The following RALGPS1 variants were observed in gnomAD, a reference collection of about 807,000 sequenced individuals.
RALGPS1 encodes the protein Ral GEF with PH domain and SH3 binding motif 1.
A neutral mutation model predicts 78.8 loss-of-function variants in RALGPS1; 19 were observed. The observed-to-expected ratio is 0.24, with a 90% CI of 0.17 to 0.35. The LOEUF (loss-of-function observed/expected upper bound fraction) is 0.35. RALGPS1 is among the 10% of genes least tolerant of loss of function. RALGPS1 has a pLI of 1.00. For synonymous variants in RALGPS1, 228 were observed against 256.3 expected (o/e 0.89, Z 1.06); for missense variants, 454 against 688.3 (o/e 0.66, Z 3.81).
intron 9 of RALGPS1, among the ~76,000 whole-genome samples, chr9:127,166,958 T>C (rs2059324053): frequency 1.3e-5 from 2 of 148,272 alleles, no homozygotes; most frequent in South Asian, 4.4e-4. Context: ...AGCCAGGTGC[T>C]CAAGTCTTCT....
intron 8 of RALGPS1, among the ~76,000 whole-genome samples, chr9:127,159,425 C>T (rs2058889701): frequency 6.6e-6 from 1 of 152,158 alleles, no homozygotes; most frequent in Non-Finnish European, 1.5e-5. Context: ...GAGCCACAAC[C>T]CCAAGTCATA....
chr9:126,957,373 G>C (rs1481328214), intron 1 of RALGPS1, among the ~76,000 whole-genome samples: 1 of 141,886 alleles, frequency 7.0e-6, no homozygotes, highest in Admixed American at 7.1e-5. Flanking sequence ...TGAGCTCCAT[G>C]TCTGGGCTCC....
At chr9:127,042,126 TTTGA>T (rs1302492125) in intron 5 of RALGPS1, among the ~76,000 whole-genome samples, 4 of 152,262 alleles carry the variant, frequency 2.6e-5, no homozygotes, top group Non-Finnish European at 4.4e-5. Context: ...TGTTTTATTC[TTTGA>T]TTGTTTTTTT....
intron 1 of RALGPS1, among the ~76,000 whole-genome samples, chr9:126,943,095 A>G (rs990179983): frequency 6.6e-6 from 1 of 152,082 alleles, no homozygotes; most frequent in Non-Finnish European, 1.5e-5. Context: ...TTTATAGTTC[A>G]TTGATGTCAT....
At chr9:127,150,625 G>A (rs1236227347) in intron 8 of RALGPS1, among the ~76,000 whole-genome samples, 1 of 152,234 alleles carries the variant, frequency 6.6e-6, no homozygotes, top group Non-Finnish European at 1.5e-5. Flanking sequence ...GAGTTGGCAT[G>A]AGGCATCCTC....
Position 127,183,482 on chromosome 9 carries a change from C to T in RALGPS1, c.910+8700C>T, listed in dbSNP as rs927509452. 6.6e-6 allele frequency among the ~76,000 whole-genome samples: 1 copy of T among 152,176 alleles called. No individual in the cohort carries two copies. Among genetic ancestry groups the T allele is most frequent in the East Asian group, 1.9e-4 (1 of 5,182 alleles). On this transcript the variant is annotated intron_variant, in intron 11 of 18. Transcript: ENST00000259351. The surrounding 1 kb of genome is among the most constrained non-coding windows in gnomAD (Gnocchi z 4.0). ...TGGGCCACCTCGGTCCACAGGAGGC[C>T]GTACCTGTCCTCATTCTAACAGACC...
chr9:126,971,954 A>G (rs1214609652), intron 3 of RALGPS1, among the ~76,000 whole-genome samples: 1 of 152,270 alleles, frequency 6.6e-6, no homozygotes, highest in Non-Finnish European at 1.5e-5. Context: ...AGGTTAAGTA[A>G]GTTTTTAAAA....
At chr9:127,049,353 G>A (rs533788461) in intron 5 of RALGPS1, among the ~76,000 whole-genome samples, 2 of 152,288 alleles carry the variant, frequency 1.3e-5, no homozygotes, top group South Asian at 4.1e-4. Context: ...CAGGGGTTCA[G>A]GCTGTTGCAG....
chr9:126,965,033 A>G (rs961262192), intron 2 of RALGPS1, among the ~76,000 whole-genome samples: 25 of 152,224 alleles, frequency 1.6e-4, no homozygotes, highest in African/African-American at 5.3e-4. Context: ...ATGAAGTTAA[A>G]TTAAAGAGAA....
intron 11 of RALGPS1, among the ~76,000 whole-genome samples, chr9:127,191,480 C>T (rs186358500): frequency 2.9e-4 from 44 of 152,258 alleles, no homozygotes; most frequent in African/African-American, 9.4e-4. Context: ...CTGGTAATGC[C>T]GCCACCATCA....
chr9:127,204,692 T>G (rs1323854916), intron 14 of RALGPS1, among the ~76,000 whole-genome samples: 1 of 151,768 alleles, frequency 6.6e-6, no homozygotes, highest in Non-Finnish European at 1.5e-5. Context: ...GTTCAGGGAG[T>G]TGGGTGATGC....
chr9:127,210,803 T>G, intron 14 of RALGPS1: 10 of 1,529,148 alleles, frequency 6.5e-6, no homozygotes, highest in Non-Finnish European at 8.9e-6. Context: ...ATGTGTTCAT[T>G]TGTTTGACAC....
intron 11 of RALGPS1, among the ~76,000 whole-genome samples, chr9:127,186,493 G>A (rs935315514): frequency 1.3e-5 from 2 of 152,224 alleles, no homozygotes; most frequent in South Asian, 4.1e-4. Flanking sequence ...GCTCACAAGC[G>A]GTCCCAGAAG....
chr9:127,063,566 T>A (rs1589272888), intron 7 of RALGPS1, among the ~76,000 whole-genome samples: 3 of 152,202 alleles, frequency 2.0e-5, no homozygotes, highest in African/African-American at 7.2e-5. Context: ...ATCATTTCTA[T>A]AGGTTTGATA....
chr9:127,015,832 C>T (rs1024496837), intron 4 of RALGPS1, among the ~76,000 whole-genome samples: 5 of 152,116 alleles, frequency 3.3e-5, no homozygotes, highest in African/African-American at 1.2e-4. Context: ...ATCCCTCCCT[C>T]CCTGCCCTGC....
At chr9:127,131,880 G>A (rs955924290) in intron 8 of RALGPS1, among the ~76,000 whole-genome samples, 4 of 152,152 alleles carry the variant, frequency 2.6e-5, no homozygotes, top group Non-Finnish European at 5.9e-5. Context: ...GAGCTTTTGC[G>A]CTTCAAGATC....
chr9:126,999,474 AC>A (rs2043088244), intron 4 of RALGPS1, among the ~76,000 whole-genome samples: 1 of 152,164 alleles, frequency 6.6e-6, no homozygotes, highest in South Asian at 2.1e-4. Flanking sequence ...TCTGTGCCCC[AC>A]CTATTCATCT....
chr9:127,174,348 G>A (rs1485295878), intron 10 of RALGPS1, among the ~76,000 whole-genome samples: 2 of 152,132 alleles, frequency 1.3e-5, no homozygotes, highest in African/African-American at 4.8e-5. Context: ...ACTAACTCTG[G>A]TTCAGGGTCA....
intron 5 of RALGPS1, among the ~76,000 whole-genome samples, chr9:127,048,418 A>G (rs2048006039): frequency 1.3e-5 from 2 of 152,144 alleles, no homozygotes; most frequent in South Asian, 4.1e-4. Context: ...GGCCACTATT[A>G]CCAGCTGCCT....
Sources: allele counts gnomAD v4.1 joint callset (sites outside exome capture counted in the v4.1 genomes callset), GRCh38; gene constraint gnomAD v4.1.1; non-coding constraint Gnocchi (gnomAD v3.1); transcripts MANE v1.5; gene names NCBI Gene and HGNC (gene_info 2026-07-23, HGNC 2026-07-21).